ROBO2: variants seen among roughly 807,000 people sequenced by gnomAD.
ROBO2 encodes the protein roundabout guidance receptor 2.
Under a neutral mutation model 160.8 loss-of-function variants are expected in ROBO2, and 53 were observed. The observed-to-expected ratio is 0.33, with a 90% CI of 0.26 to 0.41. The LOEUF is 0.41. Ranked by LOEUF, ROBO2 falls within the 10% of genes least tolerant of loss-of-function variation. The probability of loss-of-function intolerance (pLI) is 1.00; values close to 1 mark genes in which losing one functional copy is unlikely to be tolerated. For synonymous variants in ROBO2, 664 were observed against 611.7 expected (o/e 1.09, Z -1.26); for missense variants, 1,577 against 1,722.4 (o/e 0.92, Z 1.49).
chr3:76,057,613 T>C (rs73842930), intron 2 of ROBO2, among the ~76,000 whole-genome samples: 3,122 of 152,262 alleles, frequency 0.021, 44 homozygotes, highest in East Asian at 0.081. Context: ...ATCAGTTTCT[T>C]GGGAAAGTGT....
exon 3 of ROBO2, chr3:77,477,433 A>G (rs2084146932): frequency 1.2e-6 from 2 of 1,613,756 alleles, no homozygotes; most frequent in African/African-American, 2.7e-5. Context: ...ATGACTTCCG[A>G]CAAAACCCCA....
chr3:77,425,015 A>G (rs1275090611), intron 2 of ROBO2, among the ~76,000 whole-genome samples: 1 of 152,200 alleles, frequency 6.6e-6, no homozygotes, highest in African/African-American at 2.4e-5. Context: ...ATAAAGAGAG[A>G]TACATATATA....
chr3:77,111,268 C>A (rs2073541389), intron 2 of ROBO2, among the ~76,000 whole-genome samples: 1 of 151,910 alleles, frequency 6.6e-6, no homozygotes, highest in South Asian at 2.1e-4. Flanking sequence ...AATCTGACAT[C>A]CTTTTTATTT....
At chr3:76,960,785 C>T (rs2079592635) in intron 2 of ROBO2, among the ~76,000 whole-genome samples, 1 of 151,680 alleles carries the variant, frequency 6.6e-6, no homozygotes, top group Admixed American at 6.6e-5. Flanking sequence ...ATATGAATGC[C>T]CAAAAATAAA....
At chr3:76,472,914 A>T (rs1464668486) in intron 2 of ROBO2, among the ~76,000 whole-genome samples, 1 of 152,204 alleles carries the variant, frequency 6.6e-6, no homozygotes, top group Non-Finnish European at 1.5e-5. Context: ...AGACACAGGT[A>T]ATCCATGCTG....
At chr3:76,689,643 C>G (rs919202249) in intron 2 of ROBO2, among the ~76,000 whole-genome samples, 6 of 152,142 alleles carry the variant, frequency 3.9e-5, no homozygotes, top group Non-Finnish European at 8.8e-5. Flanking sequence ...CCTTAATAAA[C>G]AATGATCATC....
chr3:77,428,351 T>A (rs1467045962), intron 2 of ROBO2, among the ~76,000 whole-genome samples: 2 of 137,868 alleles, frequency 1.5e-5, no homozygotes, highest in Non-Finnish European at 3.1e-5. Flanking sequence ...TTTTTTTTTT[T>A]TTTTTTTTTT....
intron 9 of ROBO2, among the ~76,000 whole-genome samples, chr3:77,561,613 T>C (rs78711402): frequency 0.049 from 7,474 of 152,210 alleles, 378 homozygotes; most frequent in East Asian, 0.13. Flanking sequence ...AAGTGATCGA[T>C]GAAATGGCAA....
intron 2 of ROBO2, among the ~76,000 whole-genome samples, chr3:77,127,171 C>A (rs2075416909): frequency 6.6e-6 from 1 of 152,146 alleles, no homozygotes; most frequent in Non-Finnish European, 1.5e-5. Context: ...AGTCTTCCTA[C>A]TGCAATATTT....
chr3:77,546,355 G>A (rs368780825), exon 7 of ROBO2: 1 of 1,612,992 alleles, frequency 6.2e-7, no homozygotes, highest in Non-Finnish European at 8.5e-7. Flanking sequence ...ACAGTTTGTG[G>A]TTCGGCCAAG....
intron 2 of ROBO2, among the ~76,000 whole-genome samples, chr3:76,447,825 A>G (rs140711118): frequency 0.045 from 6,350 of 140,646 alleles, 436 homozygotes; most frequent in African/African-American, 0.15. Context: ...TCTCACTCAT[A>G]GGTGGGAATT....
At chr3:77,335,355 C>G (rs952946767) in intron 2 of ROBO2, among the ~76,000 whole-genome samples, 2 of 152,110 alleles carry the variant, frequency 1.3e-5, no homozygotes, top group African/African-American at 4.8e-5. Context: ...TGCAGTGAAC[C>G]AATATCACAT....
chr3:77,020,450 G>A (rs565787373), intron 2 of ROBO2, among the ~76,000 whole-genome samples: 8 of 152,130 alleles, frequency 5.3e-5, no homozygotes, highest in South Asian at 2.1e-4. Context: ...TCAGTAAATC[G>A]GTCTATTTAA....
At chr3:76,613,446 T>C (rs985549627) in intron 2 of ROBO2, among the ~76,000 whole-genome samples, 1 of 152,110 alleles carries the variant, frequency 6.6e-6, no homozygotes, top group Non-Finnish European at 1.5e-5. Flanking sequence ...TTCTGATCCT[T>C]TTCTGTCAGC....
intron 2 of ROBO2, among the ~76,000 whole-genome samples, chr3:76,515,842 C>A (rs535823805): frequency 2.0e-5 from 3 of 152,182 alleles, no homozygotes; most frequent in South Asian, 4.1e-4. Flanking sequence ...TATAGAAAAC[C>A]TAAACTGTTT....
chr3:75,907,749 A>T (rs1017201111), intron 1 of ROBO2, among the ~76,000 whole-genome samples: 6 of 152,188 alleles, frequency 3.9e-5, no homozygotes, highest in African/African-American at 1.4e-4. Context: ...CTTTGGGGAA[A>T]GGGATTGATA....
chr3:76,347,151 T>C (rs1483137453), intron 2 of ROBO2, among the ~76,000 whole-genome samples: 1 of 152,112 alleles, frequency 6.6e-6, no homozygotes, highest in Non-Finnish European at 1.5e-5. Context: ...ACTAGCAGAG[T>C]ATCAATTTAT....
At chr3:76,234,634 A>T (rs1256881647) in intron 2 of ROBO2, among the ~76,000 whole-genome samples, 1 of 152,122 alleles carries the variant, frequency 6.6e-6, no homozygotes, top group Non-Finnish European at 1.5e-5. Flanking sequence ...TTAATTACCG[A>T]TGGACATGTT....
chr3:77,500,025 C>T (rs952038681), intron 5 of ROBO2, among the ~76,000 whole-genome samples: 3 of 152,128 alleles, frequency 2.0e-5, no homozygotes, highest in African/African-American at 7.2e-5. Flanking sequence ...CATTTTCTAC[C>T]TTTAGTAAGC....
Sources: allele counts gnomAD v4.1 joint callset (sites outside exome capture counted in the v4.1 genomes callset), GRCh38; gene constraint gnomAD v4.1.1; transcripts MANE v1.5; gene names NCBI Gene and HGNC (gene_info 2026-07-23, HGNC 2026-07-21).